The following PDLIM1 variants were observed in gnomAD, a reference collection of about 807,000 sequenced individuals.
PDLIM1 encodes the protein PDZ and LIM domain protein 1.
A neutral mutation model predicts 35.2 loss-of-function variants in PDLIM1; 25 were observed. The observed-to-expected ratio is 0.71, with a 90% CI of 0.52 to 0.99. The LOEUF (loss-of-function observed/expected upper bound fraction) is 0.99, where lower values mean the gene tolerates loss of function less well. PDLIM1 is among the 50% of genes least tolerant of loss of function. The probability of loss-of-function intolerance (pLI) is 0.00; values close to 1 mark genes in which losing one functional copy is unlikely to be tolerated. For missense variants in PDLIM1, 363 were observed against 415.3 expected (o/e 0.87, Z 1.09); for synonymous variants, 152 against 154.0 (o/e 0.99, Z 0.10).
chr10:95,282,537 C>T lies in PDLIM1; in HGVS notation c.96+8283G>A, dbSNP rs180950175. 1.1e-4 allele frequency among the ~76,000 whole-genome samples: 17 copies of T among 152,268 alleles called. No homozygotes were observed. In the East Asian group the frequency reaches 3.3e-3, roughly 29 times the overall value. ...AGAAGTTATTAGTGCTAAGGGGTGA[C>T]AGTTCAAAGAGACGTGCTGCTCTCT... On this transcript the variant is annotated intron_variant, in intron 1 of 6. Coordinates refer to ENST00000329399, the MANE Select transcript of PDLIM1 (RefSeq NM_020992.4).
chr10:95,247,635 AT>A, intron 4 of PDLIM1: 1 of 324,296 alleles, frequency 3.1e-6, no homozygotes, highest in Non-Finnish European at 5.6e-6. Context: ...ATCCAGTGGA[AT>A]GAGAATGCTC....
At chr10:95,246,496 A>G (rs2035222709) in intron 5 of PDLIM1, among the ~76,000 whole-genome samples, 1 of 152,154 alleles carries the variant, frequency 6.6e-6, no homozygotes. Flanking sequence ...CACCCCAAGG[A>G]CAAGAAAGCC....
chr10:95,249,753 T>C (rs2035251965), intron 4 of PDLIM1, among the ~76,000 whole-genome samples: 1 of 152,154 alleles, frequency 6.6e-6, no homozygotes, highest in Non-Finnish European at 1.5e-5. Context: ...GAGTCAATCA[T>C]AGCAATCAAG....
intron 3 of PDLIM1, among the ~76,000 whole-genome samples, chr10:95,264,726 CTT>C (rs1025760512): frequency 6.6e-6 from 1 of 151,262 alleles, no homozygotes; most frequent in African/African-American, 2.4e-5. Flanking sequence ...CAGAAAAGGA[CTT>C]TTGAGTTCCT....
chr10:95,257,284 T>C (rs981329410), intron 4 of PDLIM1, among the ~76,000 whole-genome samples: 3 of 151,680 alleles, frequency 2.0e-5, no homozygotes, highest in African/African-American at 4.8e-5. Context: ...TTCTTGAATA[T>C]GACACAAAAA....
intron 1 of PDLIM1, among the ~76,000 whole-genome samples, chr10:95,281,318 C>T (rs181470508): frequency 1.1e-4 from 17 of 151,228 alleles, no homozygotes; most frequent in Admixed American, 1.1e-3. Context: ...ATGGCTCATG[C>T]CTATAATCCC....
At chr10:95,242,458 G>A (rs939806521) in intron 5 of PDLIM1, among the ~76,000 whole-genome samples, 2 of 151,970 alleles carry the variant, frequency 1.3e-5, no homozygotes, top group Admixed American at 6.6e-5. Context: ...AGACCAAGGC[G>A]GGCAGATCAC....
chr10:95,271,864 T>C, intron 1 of PDLIM1, 80 bp from the exon 2 acceptor site: 3 of 1,353,106 alleles, frequency 2.2e-6, no homozygotes, highest in Non-Finnish European at 3.1e-6. Context: ...TATTCACTGA[T>C]ATGGAGCAAA....
intron 5 of PDLIM1, among the ~76,000 whole-genome samples, chr10:95,239,996 T>A (rs749531456): frequency 9.9e-5 from 15 of 152,118 alleles, no homozygotes; most frequent in Non-Finnish European, 1.9e-4. Flanking sequence ...AAACAACAGA[T>A]GCTGGCAAGG....
intron 1 of PDLIM1, among the ~76,000 whole-genome samples, chr10:95,288,429 C>T (rs767525221): frequency 3.9e-5 from 6 of 152,222 alleles, no homozygotes; most frequent in Non-Finnish European, 7.3e-5. Flanking sequence ...ATGTAGCATA[C>T]CTACCAATCA....
chr10:95,238,681 A>C lies in PDLIM1; in HGVS notation c.690T>G (p.Asp230Glu). ...QEILESEEKG[D>E]PNKPSGFRSV... ...TTCTGAATCCTGAGGGCTTGTTGGG[A>C]TCCCCTGAAATGAGGAAAACACTGT... The change falls in exon 6 of 7, where the codon GAT becomes GAG. Residue 230 changes from aspartate to glutamate, a missense_variant. Physicochemically the swap from Asp to Glu is conservative, Grantham distance 45. Transcript: ENST00000329399. 1 of 1,602,230 alleles carries C rather than the reference A, an allele frequency of 6.2e-7. No individual in the cohort carries two copies. The highest frequency in any genetic ancestry group is 8.6e-7 in the Non-Finnish European group (1 of 1,169,234).
At chr10:95,285,872 T>C (rs908619852) in intron 1 of PDLIM1, among the ~76,000 whole-genome samples, 3 of 152,254 alleles carry the variant, frequency 2.0e-5, no homozygotes, top group African/African-American at 4.8e-5. Flanking sequence ...AAAAGTCCTA[T>C]ATATGTTTTA....
intron 4 of PDLIM1, among the ~76,000 whole-genome samples, chr10:95,253,239 G>GA (rs1016305908): frequency 2.6e-5 from 4 of 151,814 alleles, no homozygotes; most frequent in African/African-American, 4.8e-5. Context: ...GCTGCTGAAA[G>GA]AAAAAAAACT....
In PDLIM1 at chr10:95,290,929, C is replaced by G. The variant is rs748836350; in HGVS notation, c.-14G>C. ...CTGGGTGGTCATGGCGCGGCTGTGG[C>G]GGGCGACGACCCGCGGGGACAGACG... is the stretch of plus-strand genomic sequence containing the variant. On this transcript the variant is annotated 5_prime_UTR_variant, in exon 1 of 7. Coordinates refer to ENST00000329399, the MANE Select transcript of PDLIM1 (RefSeq NM_020992.4). This position sits in a 1 kb window ranked among gnomAD's most constrained non-coding sequence, Gnocchi z 4.7. 1.3e-6 allele frequency: 2 copies of G among 1,520,302 alleles called. No individual in the cohort carries two copies. Among genetic ancestry groups the G allele is most frequent in the South Asian group, 2.4e-5 (2 of 82,936 alleles). The allele number at this position is 1,520,302 out of a possible 1,614,324, so 94.2% of individuals were successfully genotyped here. A position where few individuals can be genotyped will look rare whatever the true frequency, so the allele number is the denominator to read the frequency against.
At chr10:95,239,478 G>T (rs188427509) in intron 5 of PDLIM1, among the ~76,000 whole-genome samples, 2 of 152,264 alleles carry the variant, frequency 1.3e-5, no homozygotes, top group Admixed American at 6.5e-5. Flanking sequence ...TCCAGCATCT[G>T]CAAGGAACTT....
chr10:95,257,749 C>CA (rs1348018140), intron 4 of PDLIM1, among the ~76,000 whole-genome samples: 1 of 152,086 alleles, frequency 6.6e-6, no homozygotes, highest in African/African-American at 2.4e-5. Flanking sequence ...GGAGATTACT[C>CA]AAAAAATTAA....
chr10:95,261,295 C>T (rs1455944108), intron 4 of PDLIM1, among the ~76,000 whole-genome samples: 2 of 152,218 alleles, frequency 1.3e-5, no homozygotes, highest in Non-Finnish European at 2.9e-5. Context: ...AAGGATGTGT[C>T]ATTTCCTGGG....
chr10:95,284,203 G>A (rs11188258), intron 1 of PDLIM1, among the ~76,000 whole-genome samples: 6,052 of 152,172 alleles, frequency 0.04, 534 homozygotes, highest in East Asian at 0.38. Flanking sequence ...GCACTCATGT[G>A]GACCCAGTTT....
intron 4 of PDLIM1, among the ~76,000 whole-genome samples, chr10:95,253,926 T>A (rs1589509267): frequency 1.3e-5 from 2 of 152,274 alleles, no homozygotes; most frequent in East Asian, 1.9e-4. Flanking sequence ...GCCAGTAAAC[T>A]GTGATAAGTT....
Sources: allele counts gnomAD v4.1 joint callset (sites outside exome capture counted in the v4.1 genomes callset), GRCh38; gene constraint gnomAD v4.1.1; non-coding constraint Gnocchi (gnomAD v3.1); transcripts MANE v1.5; gene names NCBI Gene and HGNC (gene_info 2026-07-23, HGNC 2026-07-21).